BRD1: variants seen among roughly 807,000 people sequenced by gnomAD.
BRD1 encodes the protein bromodomain containing 1, also known as bromodomain-containing protein 1.
A neutral mutation model predicts 107.7 loss-of-function variants in BRD1; 24 were observed. The observed-to-expected ratio is 0.22, with a 90% CI of 0.16 to 0.31. The LOEUF (loss-of-function observed/expected upper bound fraction) is 0.31, where lower values mean the gene tolerates loss of function less well. BRD1 is among the 10% of genes least tolerant of loss of function. The pLI is 1.00. For synonymous variants in BRD1, 744 were observed against 686.1 expected (o/e 1.08, Z -1.32); for missense variants, 1,279 against 1,638.6 (o/e 0.78, Z 3.79).
At chr22:49,797,675 T>G (rs1437201964) in intron 6 of BRD1, 130 bp downstream of exon 6, 1 of 863,218 alleles carries the variant, frequency 1.2e-6, no homozygotes, top group East Asian at 2.7e-5. Flanking sequence ...CTAGAAAATG[T>G]AAATGATGTA....
chr22:49,786,473 A>G (rs1036189929), intron 8 of BRD1, among the ~76,000 whole-genome samples: 8 of 152,256 alleles, frequency 5.3e-5, no homozygotes, highest in Non-Finnish European at 1.5e-5. Context: ...ACAAAAGCGC[A>G]GCAAGAGATG....
chr22:49,776,009 G>C, intron 11 of BRD1, 41 bp downstream of exon 11: 1 of 1,566,268 alleles, frequency 6.4e-7, no homozygotes, highest in East Asian at 2.3e-5. Flanking sequence ...AGCTGTGTGA[G>C]CCTCCTCTGG....
At chr22:49,796,320 T>A (rs2059530825) in intron 6 of BRD1, among the ~76,000 whole-genome samples, 1 of 151,642 alleles carries the variant, frequency 6.6e-6, no homozygotes, top group Admixed American at 6.6e-5. Flanking sequence ...GGTCTCGACC[T>A]CCTGACTTCG....
chr22:49,799,403 G>A (rs1396252233), intron 3 of BRD1, among the ~76,000 whole-genome samples: 1 of 152,164 alleles, frequency 6.6e-6, no homozygotes, highest in Admixed American at 6.5e-5. Flanking sequence ...GAGGACAGAG[G>A]CCTCCGCAAG....
In BRD1 at chr22:49,803,680, C is replaced by A. The variant is rs115004955; in HGVS notation, c.1524+524G>T. Among the ~76,000 whole-genome samples the A allele has an allele frequency of 0.014, 2,140 of 152,310 alleles. 49 individuals are homozygous for A. Among genetic ancestry groups the A allele is most frequent in the African/African-American group, 0.05 (2,058 of 41,556 alleles). ...CTCCTTCCCTCCCACTCTCTCAGCT[C>A]TCTCGAGCCCTCCCCACCCCACCAC... On this transcript the variant is annotated intron_variant, in intron 3 of 12. Coordinates refer to ENST00000404760, the MANE Select transcript of BRD1 (RefSeq NM_001304808.3). This position sits in a 1 kb window ranked among gnomAD's most constrained non-coding sequence, Gnocchi z 4.4.
intron 2 of BRD1, chr22:49,817,307 AG>A (rs1427942471): frequency 4.6e-5 from 9 of 197,578 alleles, no homozygotes; most frequent in Admixed American, 3.6e-4. Flanking sequence ...CTGTTCATGA[AG>A]CCAAAGAGAA....
rs562289968 is a variant in BRD1 at position 49,775,700 on chromosome 22, C to T, written c.3277G>A (p.Val1093Ile). The T allele has an allele frequency of 1.9e-5, 30 of 1,613,484 alleles. No individual in the cohort carries two copies. The highest frequency in any genetic ancestry group is 2.3e-5 in the Non-Finnish European group (27 of 1,179,846). The change falls in exon 12 of 13, where the codon GTC becomes ATC. Residue 1093 changes from valine (V) to isoleucine (I), a missense_variant. Transcript: ENST00000404760. ...TCCAGGGGTGGGGCCGGGATGGTGACGCCGTTGTGGTGGCCAGGCACACGG... is the reference window on the plus strand; with the variant it reads ...TCCAGGGGTGGGGCCGGGATGGTGATGCCGTTGTGGTGGCCAGGCACACGG... ...MPRVPGHHNG[V>I]TIPAPPLDVL...
At chr22:49,806,194 A>C (rs187213614) in intron 2 of BRD1, 13 of 152,310 alleles carry the variant, frequency 8.5e-5, no homozygotes, top group African/African-American at 3.1e-4. Flanking sequence ...AAAAGAAAGA[A>C]AGAAAGATTC....
intron 8 of BRD1, among the ~76,000 whole-genome samples, chr22:49,786,779 T>C (rs1017557086): frequency 6.6e-6 from 1 of 152,180 alleles, no homozygotes; most frequent in Middle Eastern, 3.4e-3. Flanking sequence ...AGATGACCAA[T>C]TAAAACTACA....
In BRD1 at chr22:49,775,576, G is replaced by T; in HGVS notation, c.3386+15C>A. On this transcript the variant is annotated intron_variant, in intron 12 of 12. Coordinates refer to ENST00000404760, the MANE Select transcript of BRD1 (RefSeq NM_001304808.3). Reference sequence around the variant, plus strand: ...ACCCCAGCCGGTCCCCGGAGTCTAAGGCCTCTCAACTCACCAACTTCTCTT... The same window carrying T: ...ACCCCAGCCGGTCCCCGGAGTCTAATGCCTCTCAACTCACCAACTTCTCTT... 1.3e-6 allele frequency: 2 copies of T among 1,567,352 alleles called. No individual in the cohort carries two copies. Among genetic ancestry groups the T allele is most frequent in the African/African-American group, 1.4e-5 (1 of 73,250 alleles).
intron 11 of BRD1, 75 bp from the exon 12 acceptor site, chr22:49,775,820 C>CA: frequency 7.3e-7 from 1 of 1,360,654 alleles, no homozygotes; most frequent in Non-Finnish European, 9.6e-7. Context: ...CTGGCACCCC[C>CA]CCCCGCCTCC....
chr22:49,777,218 C>CG lies in BRD1; in HGVS notation c.2994-58dup. 1.9e-6 allele frequency: 3 copies of CG among 1,598,526 alleles called. No individual in the cohort carries two copies. In the South Asian group the frequency reaches 3.3e-5, roughly 18 times the overall value. ...CCCCGCCCCTGCCTTCAGCCTCACT[C>CG]GGGCTTCGTCCCGTGAGCTGTCCGC... is the stretch of plus-strand genomic sequence containing the variant. On this transcript the variant is annotated intron_variant, in intron 9 of 12. Transcript: ENST00000404760.
intron 2 of BRD1, chr22:49,818,090 G>T: frequency 4.2e-6 from 2 of 481,470 alleles, no homozygotes; most frequent in Non-Finnish European, 5.6e-6. Flanking sequence ...GGCTGACCAA[G>T]ACCAGTTCAT....
intron 6 of BRD1, among the ~76,000 whole-genome samples, chr22:49,794,964 A>C (rs1387694414): frequency 2.6e-5 from 4 of 152,222 alleles, no homozygotes; most frequent in African/African-American, 9.6e-5. Context: ...TGCTCCTCAG[A>C]GCTATCTGAA....
In BRD1 at chr22:49,823,340, T is replaced by C. The variant is rs180912286; in HGVS notation, c.978A>G (p.Thr326=). Residue 326 remains threonine, a synonymous_variant, in exon 2 of 13, where the codon ACA becomes ACG. Transcript: ENST00000404760. The part of the protein sequence containing the change: ...RNIPPARWKL[T]CYLCKQKGVG... Reference sequence around the variant, plus strand: ...CGCCCTTCTGCTTACAGAGGTAGCATGTCAGTTTCCACCGGGCTGGAGGGA... The same window carrying C: ...CGCCCTTCTGCTTACAGAGGTAGCACGTCAGTTTCCACCGGGCTGGAGGGA... 207 of 1,614,172 alleles carry C rather than the reference T, an allele frequency of 1.3e-4. 3 individuals carry two copies. The Admixed American group carries it at 3.3e-3, about 26-fold the overall frequency.
Position 49,794,090 on chromosome 22 carries a change from C to G in BRD1, c.2303G>C (p.Gly768Ala), listed in dbSNP as rs1267097952. 6.2e-7 allele frequency: 1 copy of G among 1,614,222 alleles called. No homozygotes were observed. The highest frequency in any genetic ancestry group is 1.1e-5 in the South Asian group (1 of 91,090). The change falls in exon 7 of 13, where the codon GGC becomes GCC. Residue 768 changes from glycine to alanine, a missense_variant. By Grantham distance (60) the Gly-to-Ala change is moderately conservative (BLOSUM62 0). Around this residue, in one of 7 missense-constraint regions of BRD1, gnomAD observed 406 missense variants for 519.4 expected, o/e 0.78. Coordinates refer to ENST00000404760, the MANE Select transcript of BRD1 (RefSeq NM_001304808.3). Reference sequence around the variant, plus strand: ...TCCGTCCTCTTCGAAGCCTTCCAAGCCTGGCCCCGTGGGCAGGGGCTGGCT... The same window carrying G: ...TCCGTCCTCTTCGAAGCCTTCCAAGGCTGGCCCCGTGGGCAGGGGCTGGCT... ...QHSQPLPTGP[G>A]LEGFEEDGAA...
chr22:49,785,916 G>A (rs998210362), intron 8 of BRD1, among the ~76,000 whole-genome samples: 1 of 152,190 alleles, frequency 6.6e-6, no homozygotes, highest in Admixed American at 6.5e-5. Context: ...GGACGCTTCA[G>A]GCCAGAGACC....
At chr22:49,793,617 G>T (rs558843854) in intron 7 of BRD1, among the ~76,000 whole-genome samples, 141 of 152,254 alleles carry the variant, frequency 9.3e-4, no homozygotes, top group African/African-American at 3.0e-3. Flanking sequence ...TGCATTTGAT[G>T]GCCTAGCGCA....
chr22:49,774,477 C>T (rs2059041435), intron 12 of BRD1, 61 bp from the exon 13 acceptor site: 4 of 1,529,692 alleles, frequency 2.6e-6, no homozygotes, highest in East Asian at 4.5e-5. Flanking sequence ...CAGCAGGCTC[C>T]ATGTAATCAT....
Sources: allele counts gnomAD v4.1 joint callset (sites outside exome capture counted in the v4.1 genomes callset), GRCh38; gene constraint gnomAD v4.1.1; regional missense constraint gnomAD v4.1.1; non-coding constraint Gnocchi (gnomAD v3.1); transcripts MANE v1.5; gene names NCBI Gene and HGNC (gene_info 2026-07-23, HGNC 2026-07-21).